The following NUCB2 variants were observed in gnomAD, a reference collection of about 807,000 sequenced individuals.
The protein encoded by NUCB2 is nucleobindin-2.
Under a neutral mutation model 57.9 loss-of-function variants are expected in NUCB2, and 48 were observed. The ratio of observed to expected loss-of-function variants is 0.83; its 90% CI spans 0.66 to 1.05. The LOEUF (loss-of-function observed/expected upper bound fraction) is 1.05, where lower values mean the gene tolerates loss of function less well. Ranked by LOEUF, NUCB2 falls within the 50% of genes least tolerant of loss-of-function variation. NUCB2 has a pLI of 0.00. For missense variants in NUCB2, 442 were observed against 476.2 expected (o/e 0.93, Z 0.67); for synonymous variants, 139 against 152.1 (o/e 0.91, Z 0.64).
chr11:17,277,179 G>A (rs1591117754), intron 1 of NUCB2: 2 of 152,374 alleles, frequency 1.3e-5, no homozygotes, highest in African/African-American at 2.4e-5. Context: ...AGTGAGGAGG[G>A]ACACCCACCA....
Position 17,330,243 on chromosome 11 carries a change from A to G in NUCB2, c.1119A>G (p.Glu373=), listed in dbSNP as rs201651223. The part of the protein sequence containing the change: ...KKADELQKQK[E]ELQRQHDQLE... Reference sequence around the variant, plus strand: ...CAGATGAGCTTCAGAAACAAAAAGAAGAGCTACAACGTCAGCATGATCAAC... The same window carrying G: ...CAGATGAGCTTCAGAAACAAAAAGAGGAGCTACAACGTCAGCATGATCAAC... Residue 373 remains glutamate (E), a synonymous_variant, in exon 12 of 14, where the codon GAA becomes GAG. Transcript: ENST00000529010. The surrounding 1 kb of genome is among the most constrained non-coding windows in gnomAD (Gnocchi z 4.3). The G allele has an allele frequency of 1.1e-3, 1,760 of 1,612,884 alleles. 4 individuals carry two copies. Among genetic ancestry groups the G allele is most frequent in the Admixed American group, 1.6e-3 (97 of 59,874 alleles).
chr11:17,297,107 T>C (rs1205552307), intron 4 of NUCB2, among the ~76,000 whole-genome samples: 2 of 152,224 alleles, frequency 1.3e-5, no homozygotes, highest in Non-Finnish European at 2.9e-5. Context: ...TGAATCAGTT[T>C]AGCTGGGTTT....
At chr11:17,331,127 T>C (rs1422697060) in intron 13 of NUCB2, 144 bp downstream of exon 13, 4 of 677,862 alleles carry the variant, frequency 5.9e-6, no homozygotes, top group Non-Finnish European at 9.5e-6. Flanking sequence ...GCAATTTAGA[T>C]TATAGAAAAA....
chr11:17,306,199 C>T (rs1947613593), intron 5 of NUCB2, among the ~76,000 whole-genome samples: 1 of 152,042 alleles, frequency 6.6e-6, no homozygotes, highest in Non-Finnish European at 1.5e-5. Flanking sequence ...GATAGCCTCC[C>T]ATAGGTTGGT....
chr11:17,297,359 C>T (rs1271712556), intron 4 of NUCB2, among the ~76,000 whole-genome samples: 1 of 152,068 alleles, frequency 6.6e-6, no homozygotes, highest in Non-Finnish European at 1.5e-5. Flanking sequence ...AAGACTGACT[C>T]CCGTTAGGTT....
At chr11:17,309,529 C>A in intron 5 of NUCB2, 43 bp from the exon 6 acceptor site, 2 of 1,075,136 alleles carry the variant, frequency 1.9e-6, no homozygotes, top group Non-Finnish European at 2.7e-6. Context: ...ATGTTTCTAG[C>A]TTCTAGAAAT....
At chr11:17,324,345 T>C (rs1225577655) in intron 11 of NUCB2, among the ~76,000 whole-genome samples, 2 of 152,228 alleles carry the variant, frequency 1.3e-5, no homozygotes, top group African/African-American at 2.4e-5. Context: ...AATTTCCATG[T>C]GTTTGTATAG....
intron 11 of NUCB2, among the ~76,000 whole-genome samples, chr11:17,325,193 T>C (rs1452690519): frequency 6.6e-6 from 1 of 152,234 alleles, no homozygotes; most frequent in Non-Finnish European, 1.5e-5. Context: ...AAGTATCTAT[T>C]AGATCCATTT....
Position 17,311,878 on chromosome 11 carries a change from AT to A in NUCB2, c.768del (p.Asn256LysfsTer11). 6.3e-7 allele frequency: 1 copy of A among 1,587,114 alleles called. No individual in the cohort carries two copies. The highest frequency in any genetic ancestry group is 1.3e-5 in the African/African-American group (1 of 74,094). ...TGTAACTTTTAAACTTTAGATGTCA[AT>A]AGTGATGGATTCCTGGATGAACAAG... ...PKTFFKLHDV[N>X]SDGFLDEQEL... On this transcript the variant is annotated frameshift_variant, in exon 9 of 14. Coordinates refer to ENST00000529010, the MANE Select transcript of NUCB2 (RefSeq NM_005013.4). LOFTEE classifies it high-confidence loss of function.
At chr11:17,287,021 C>T (rs539977403) in intron 2 of NUCB2, among the ~76,000 whole-genome samples, 2 of 151,796 alleles carry the variant, frequency 1.3e-5, no homozygotes, top group Non-Finnish European at 2.9e-5. Context: ...TAAGCACTAA[C>T]AGATTAGAAA....
chr11:17,330,996 G>T lies in NUCB2; in HGVS notation c.1255+13G>T. ...AAGTTTGAGCCACGTGTGTAATTTT[G>T]TTTGATTATTTATTTAGGAAAATAA... On this transcript the variant is annotated intron_variant, in intron 13 of 13. Transcript: ENST00000529010. The surrounding 1 kb of genome is among the most constrained non-coding windows in gnomAD (Gnocchi z 4.3). The T allele has an allele frequency of 6.6e-7, 1 of 1,525,988 alleles. No individual in the cohort carries two copies. The highest frequency in any genetic ancestry group is 9.0e-7 in the Non-Finnish European group (1 of 1,109,528). The allele number at this position is 1,525,988 out of a possible 1,614,324, so 94.5% of individuals were successfully genotyped here. A position where few individuals can be genotyped will look rare whatever the true frequency, so the allele number is the denominator to read the frequency against.
chr11:17,332,300 T>C (rs1171716419), downstream of NUCB2: 7 of 151,984 alleles, frequency 4.6e-5, no homozygotes, highest in South Asian at 2.1e-4. Flanking sequence ...CCTGAACTTA[T>C]GTTTCGACCA....
At chr11:17,312,419 T>G (rs1157741645) in intron 10 of NUCB2, among the ~76,000 whole-genome samples, 5 of 151,894 alleles carry the variant, frequency 3.3e-5, no homozygotes, top group Middle Eastern at 6.8e-3. Context: ...TTTTTTTTTT[T>G]TTGAGACGGA....
chr11:17,313,537 A>C (rs1948816068), intron 10 of NUCB2, among the ~76,000 whole-genome samples: 1 of 152,108 alleles, frequency 6.6e-6, no homozygotes, highest in Non-Finnish European at 1.5e-5. Flanking sequence ...CTCAAAACCA[A>C]ACCAAAGCAA....
chr11:17,324,958 C>G (rs568791092), intron 11 of NUCB2, among the ~76,000 whole-genome samples: 5 of 151,934 alleles, frequency 3.3e-5, no homozygotes, highest in African/African-American at 1.2e-4. Flanking sequence ...TGTGCCACAA[C>G]GCCCGGCTAA....
intron 8 of NUCB2, 95 bp downstream of exon 8, chr11:17,311,378 G>A (rs752636730): frequency 1.2e-6 from 1 of 842,446 alleles, no homozygotes; most frequent in Non-Finnish European, 1.9e-6. Context: ...CTGCTATTGA[G>A]TTCTAGTGAG....
chr11:17,308,621 C>T (rs1948046862), intron 5 of NUCB2, among the ~76,000 whole-genome samples: 1 of 152,168 alleles, frequency 6.6e-6, no homozygotes, highest in East Asian at 1.9e-4. Flanking sequence ...TTCTGGTGAG[C>T]TGTCTTGTAT....
chr11:17,297,239 T>G (rs1439193699), intron 4 of NUCB2, among the ~76,000 whole-genome samples: 1 of 152,234 alleles, frequency 6.6e-6, no homozygotes, highest in Admixed American at 6.5e-5. Context: ...CTTAAAAAAT[T>G]ACGTTGCTTT....
chr11:17,333,100 ATAAT>A (rs1951542699), downstream of NUCB2: 1 of 152,232 alleles, frequency 6.6e-6, no homozygotes, highest in Non-Finnish European at 1.5e-5. Flanking sequence ...CTTGGCAAAA[ATAAT>A]TAAATCTCTC....
Sources: allele counts gnomAD v4.1 joint callset (sites outside exome capture counted in the v4.1 genomes callset), GRCh38; gene constraint gnomAD v4.1.1; non-coding constraint Gnocchi (gnomAD v3.1); transcripts MANE v1.5; gene names NCBI Gene and HGNC (gene_info 2026-07-23, HGNC 2026-07-21).